TUBA1C: variants seen among roughly 807,000 people sequenced by gnomAD.
TUBA1C encodes the protein tubulin alpha 1c.
TUBA1C carries 16 observed loss-of-function variants against 34.9 expected under a neutral mutation model. That is an observed-to-expected ratio of 0.46 (90% CI 0.31 to 0.70). The LOEUF is 0.70. Ranked by LOEUF, TUBA1C falls within the 30% of genes least tolerant of loss-of-function variation. TUBA1C has a pLI of 0.05. For synonymous variants in TUBA1C, 177 were observed against 215.9 expected (o/e 0.82, Z 1.58); for missense variants, 329 against 587.3 (o/e 0.56, Z 4.55).
upstream of TUBA1C, among the ~76,000 whole-genome samples, chr12:49,262,673 G>A (rs1942852714): frequency 6.6e-6 from 1 of 152,088 alleles, no homozygotes; most frequent in Non-Finnish European, 1.5e-5. Flanking sequence ...CCAGCTACTT[G>A]GGAGGCTGAG....
intron 1 of TUBA1C, among the ~76,000 whole-genome samples, chr12:49,243,995 T>C (rs903701703): frequency 9.9e-5 from 15 of 151,666 alleles, no homozygotes; most frequent in African/African-American, 3.6e-4. Context: ...ACAAATAATT[T>C]AAAAATTACC....
At position 49,273,266 on chromosome 12, in the gene TUBA1C, T is replaced by C; in HGVS notation, c.*39T>C. On this transcript the variant is annotated 3_prime_UTR_variant, in exon 4 of 4. Transcript: ENST00000301072. ...CTTTTACACTCCTTTGTCTTGGAAC[T>C]GTCTTATTTTTGTTCTGTAAATGTC... 1.2e-6 allele frequency: 2 copies of C among 1,614,130 alleles called. No homozygotes were observed. The highest frequency in any genetic ancestry group is 8.5e-7 in the Non-Finnish European group (1 of 1,180,010).
chr12:49,239,916 G>C (rs1055314832), intron 1 of TUBA1C, among the ~76,000 whole-genome samples: 4 of 152,100 alleles, frequency 2.6e-5, no homozygotes, highest in African/African-American at 9.7e-5. Context: ...ACGGGAGGTA[G>C]AGCAGTGGGA....
chr12:49,248,781 T>C (rs1407808597), intron 1 of TUBA1C, among the ~76,000 whole-genome samples: 1 of 143,866 alleles, frequency 7.0e-6, no homozygotes, highest in African/African-American at 2.6e-5. Flanking sequence ...GGCAGGAGAA[T>C]GGCGTGAACC....
At chr12:49,254,859 A>G (rs538063786) in intron 1 of TUBA1C, among the ~76,000 whole-genome samples, 1 of 152,304 alleles carries the variant, frequency 6.6e-6, no homozygotes, top group Non-Finnish European at 1.5e-5. Flanking sequence ...GACCCTCATT[A>G]GTACAAAAGA....
At chr12:49,235,835 C>T (rs954930420) in intron 1 of TUBA1C, among the ~76,000 whole-genome samples, 2 of 152,098 alleles carry the variant, frequency 1.3e-5, no homozygotes, top group East Asian at 1.9e-4. Context: ...CCTCGGGCCT[C>T]AATGAGTCGT....
chr12:49,253,661 G>A (rs1453245353), intron 1 of TUBA1C, among the ~76,000 whole-genome samples: 4 of 152,060 alleles, frequency 2.6e-5, no homozygotes, highest in African/African-American at 9.7e-5. Context: ...CCCAGTAGCT[G>A]GGACTACAGG....
chr12:49,269,249 G>T (rs1158660151), intron 1 of TUBA1C, among the ~76,000 whole-genome samples: 1 of 152,068 alleles, frequency 6.6e-6, no homozygotes, highest in African/African-American at 2.4e-5. Flanking sequence ...TTTTAGTAGA[G>T]ATGCAGTTTT....
rs1393157220 is a variant in TUBA1C, at chr12:49,272,589, AT to A, written c.713del (p.Ile238ThrfsTer5). On this transcript the variant is annotated frameshift_variant, in exon 4 of 4. Coordinates refer to ENST00000301072, the MANE Select transcript of TUBA1C (RefSeq NM_032704.5). LOFTEE classifies it high-confidence loss of function. The stretch of plus-strand genomic sequence containing the variant: ...CCTTATTAGCCAGATTGTGTCCTCC[AT>A]CACTGCTTCCCTGAGATTTGATGGA... ...NRLISQIVSS[I>X]TASLRFDGAL... 6.2e-7 allele frequency: 1 copy of A among 1,608,210 alleles called. No homozygotes were observed. Among genetic ancestry groups the A allele is most frequent in the Middle Eastern group, 2.0e-4 (1 of 5,042 alleles).
intron 3 of TUBA1C, among the ~76,000 whole-genome samples, chr12:49,271,122 C>T (rs1242010863): frequency 6.6e-6 from 1 of 152,170 alleles, no homozygotes; most frequent in Non-Finnish European, 1.5e-5. Context: ...AAAACAATTG[C>T]ATTTGTCCTT....
rs1181800654 is a variant in TUBA1C, at chr12:49,274,195, C to G, written c.*968C>G. On this transcript the variant is annotated 3_prime_UTR_variant, in exon 4 of 4. Transcript: ENST00000301072. ...ATGGCACCATCATAGCTCACCCCCA[C>G]CTTGACCTGGGCTAAGCCATCCTCC... is the stretch of plus-strand genomic sequence containing the variant. 2 of 152,064 alleles carry G rather than the reference C, an allele frequency of 1.3e-5. No individual in the cohort carries two copies. The highest frequency in any genetic ancestry group is 2.9e-5 in the Non-Finnish European group (2 of 68,146). 9.4% of individuals were successfully genotyped at this position (152,064 alleles called of 1,614,324 possible). A position where few individuals can be genotyped will look rare whatever the true frequency, so the allele number is the denominator to read the frequency against.
chr12:49,249,006 T>A (rs186337022), intron 1 of TUBA1C, among the ~76,000 whole-genome samples: 323 of 152,206 alleles, frequency 2.1e-3, no homozygotes, highest in Middle Eastern at 0.014. Flanking sequence ...TTAAAATATT[T>A]TGAACTGAGT....
intron 1 of TUBA1C, among the ~76,000 whole-genome samples, chr12:49,247,685 C>T (rs1192411753): frequency 6.6e-6 from 1 of 151,560 alleles, no homozygotes; most frequent in African/African-American, 2.4e-5. Flanking sequence ...TGGTGGCTTA[C>T]GCCTGTAATC....
At chr12:49,267,938 T>G (rs1942937073) in intron 1 of TUBA1C, among the ~76,000 whole-genome samples, 1 of 152,246 alleles carries the variant, frequency 6.6e-6, no homozygotes, top group Non-Finnish European at 1.5e-5. Context: ...ACACCCTTTT[T>G]GTTTTCCTGT....
intron 1 of TUBA1C, among the ~76,000 whole-genome samples, chr12:49,253,086 T>TAAA (rs896502071): frequency 5.2e-5 from 5 of 95,582 alleles, no homozygotes; most frequent in South Asian, 6.7e-4. Flanking sequence ...GACCCTATCT[T>TAAA]AAAAAAAAAA....
chr12:49,247,865 T>A (rs769860694), intron 1 of TUBA1C, among the ~76,000 whole-genome samples: 2 of 150,586 alleles, frequency 1.3e-5, no homozygotes, highest in African/African-American at 2.5e-5. Context: ...GGAGAATTGC[T>A]TGACCGCAGG....
At position 49,269,994 on chromosome 12, in the gene TUBA1C, A is replaced by T. The variant is rs1253801597; in HGVS notation, c.375+18A>T. On this transcript the variant is annotated intron_variant, in intron 3 of 3. Coordinates refer to ENST00000301072, the MANE Select transcript of TUBA1C (RefSeq NM_032704.5). ...GCAAGCTGGTAAGTATAGTACTTTA[A>T]ATAAAGTGGGATGAGAGTTTCTTTT... 2 of 1,614,050 alleles carry T rather than the reference A, an allele frequency of 1.2e-6. No homozygotes were observed. Among genetic ancestry groups the T allele is most frequent in the Non-Finnish European group, 8.5e-7 (1 of 1,179,894 alleles).
chr12:49,235,857 T>C (rs1371462349), intron 1 of TUBA1C, among the ~76,000 whole-genome samples: 1 of 152,212 alleles, frequency 6.6e-6, no homozygotes, highest in Non-Finnish European at 1.5e-5. Context: ...ATTTGTTACA[T>C]TGCTGGTCTC....
chr12:49,238,690 T>G (rs1942582588), intron 1 of TUBA1C, among the ~76,000 whole-genome samples: 1 of 152,202 alleles, frequency 6.6e-6, no homozygotes, highest in African/African-American at 2.4e-5. Flanking sequence ...TTAAAAAATT[T>G]GTTTACAGAC....
Sources: gnomAD v4.1 joint callset for allele counts (sites outside exome capture counted in the v4.1 genomes callset) on GRCh38, gnomAD v4.1.1 for gene constraint, MANE v1.5 for transcripts, NCBI Gene and HGNC (gene_info 2026-07-23, HGNC 2026-07-21) for gene names.